Variants in HAPLN2 observed in about 807,000 individuals in gnomAD.
The protein encoded by HAPLN2 is hyaluronan and proteoglycan link protein 2, also known as brain link protein-1.
A neutral mutation model predicts 29.3 loss-of-function variants in HAPLN2; 27 were observed. The observed-to-expected ratio is 0.92, with a 90% CI of 0.68 to 1.27. The LOEUF (loss-of-function observed/expected upper bound fraction) is 1.27. HAPLN2 is among the 50% of genes most tolerant of loss of function. The pLI is 0.00. For missense variants in HAPLN2, 454 were observed against 484.3 expected (o/e 0.94, Z 0.59); for synonymous variants, 208 against 211.7 (o/e 0.98, Z 0.15).
At position 156,625,609 on chromosome 1, in the gene HAPLN2, A is replaced by T. The variant is rs1678426436; in HGVS notation, c.*225A>T. 2.1e-6 allele frequency: 1 copy of T among 471,584 alleles called. No homozygotes were observed. The highest frequency in any genetic ancestry group is 4.1e-5 in the Admixed American group (1 of 24,112). 29.2% of individuals were successfully genotyped at this position (471,584 alleles called of 1,614,324 possible). On this transcript the variant is annotated 3_prime_UTR_variant, in exon 7 of 7. Transcript: ENST00000255039. This position sits in a 1 kb window ranked among gnomAD's most constrained non-coding sequence, Gnocchi z 5.7. ...GGCGAGATGCAGAGGTGACCCTCGG[A>T]CCCGCTGCCGTTCGCGAACCCTAGC...
chr1:156,623,077 T>TAAATAAATAAATAAAA (rs1553235369), intron 2 of HAPLN2, among the ~76,000 whole-genome samples: 2 of 124,592 alleles, frequency 1.6e-5, no homozygotes, highest in Admixed American at 1.7e-4. Context: ...AATAAATAAA[T>TAAATAAATAAATAAAA]AAAATAAAAA....
the HAPLN2 span, among the ~76,000 whole-genome samples, chr1:156,605,598 CAAAAAA>C: frequency 9.4e-5 from 6 of 63,846 alleles, no homozygotes; most frequent in Admixed American, 9.4e-4. Context: ...GACTTGGTCT[CAAAAAA>C]AAAAAAAAAA....
rs777889851 is a variant in HAPLN2, at chr1:156,623,892, C to A, written c.171C>A (p.Cys57Ter). The A allele has an allele frequency of 6.3e-7, 1 of 1,590,068 alleles. No homozygotes were observed. Among genetic ancestry groups the A allele is most frequent in the Non-Finnish European group, 8.6e-7 (1 of 1,168,612 alleles). The change falls in exon 4 of 7, where the codon TGC (cysteine) becomes TGA (stop). Residue 57 changes from cysteine (C) to a stop codon, truncating the protein, a stop_gained. Coordinates refer to ENST00000255039, the MANE Select transcript of HAPLN2 (RefSeq NM_021817.3). LOFTEE classifies it high-confidence loss of function. ...SHRGATATLP[C>*]VLGTTPPSYK... Reference sequence around the variant, plus strand: ...GTGGGGCCACGGCCACGCTGCCCTGCGTCCTGGGCACCACGCCTCCCAGCT... The same window carrying A: ...GTGGGGCCACGGCCACGCTGCCCTGAGTCCTGGGCACCACGCCTCCCAGCT...
At chr1:156,618,305 C>CAA (rs57219264), upstream of HAPLN2, among the ~76,000 whole-genome samples, 2,809 of 102,890 alleles carry the variant, frequency 0.027, 181 homozygotes, top group African/African-American at 0.1. Context: ...GACTCTGTCT[C>CAA]AAAAAAAAAA....
the HAPLN2 span, among the ~76,000 whole-genome samples, chr1:156,607,769 A>G: frequency 6.6e-6 from 1 of 152,140 alleles, no homozygotes; most frequent in African/African-American, 2.4e-5. Context: ...CTAGTACACA[A>G]TTTATCTTCC....
upstream of HAPLN2, chr1:156,619,173 C>T (rs1250208851): frequency 1.3e-5 from 2 of 152,092 alleles, no homozygotes; most frequent in Non-Finnish European, 2.9e-5. Context: ...TGCCCCTCAC[C>T]CTATTCTCTT....
the HAPLN2 span, among the ~76,000 whole-genome samples, chr1:156,606,896 G>T: frequency 2.0e-5 from 3 of 152,104 alleles, no homozygotes; most frequent in African/African-American, 7.2e-5. Context: ...CAAGAATCTT[G>T]TAAGGTTTTA....
At chr1:156,606,914 T>C in the HAPLN2 span, among the ~76,000 whole-genome samples, 2 of 152,202 alleles carry the variant, frequency 1.3e-5, no homozygotes, top group East Asian at 1.9e-4. Context: ...TTAATGCAAA[T>C]CCCCTTTACC....
chr1:156,614,565 T>C (rs1678017363), upstream of HAPLN2, among the ~76,000 whole-genome samples: 1 of 152,134 alleles, frequency 6.6e-6, no homozygotes, highest in African/African-American at 2.4e-5. Context: ...CTGAGAATGG[T>C]TGATTAATAC....
Position 156,625,282 on chromosome 1 carries a change from G to A in HAPLN2, c.921G>A (p.Pro307=), listed in dbSNP as rs1246463896. The change falls in exon 7 of 7, where the codon CCG becomes CCA. Residue 307 remains proline (P), a synonymous_variant. Coordinates refer to ENST00000255039, the MANE Select transcript of HAPLN2 (RefSeq NM_021817.3). The surrounding 1 kb of genome is among the most constrained non-coding windows in gnomAD (Gnocchi z 5.7). ...DGSVRFPITT[P]RPRCGGLPDP... ...GTGTGCGCTTCCCAATCACCACGCCGAGGCCGCGCTGCGGGGGGCTCCCGG... is the reference window on the plus strand; with the variant it reads ...GTGTGCGCTTCCCAATCACCACGCCAAGGCCGCGCTGCGGGGGGCTCCCGG... 1.9e-6 allele frequency: 3 copies of A among 1,577,044 alleles called. No homozygotes were observed. The highest frequency in any genetic ancestry group is 8.6e-7 in the Non-Finnish European group (1 of 1,162,422).
At chr1:156,601,515 A>T in the HAPLN2 span, 1 of 1,538,912 alleles carries the variant, frequency 6.5e-7, no homozygotes, top group South Asian at 1.2e-5. Context: ...GAAACCATAG[A>T]GACGTCCGCG....
chr1:156,610,531 T>G, the HAPLN2 span, among the ~76,000 whole-genome samples: 1 of 151,628 alleles, frequency 6.6e-6, no homozygotes, highest in East Asian at 1.9e-4. Context: ...TCCCAGCTAC[T>G]CGGGAGGCTA....
chr1:156,617,051 C>CT (rs1678073635), upstream of HAPLN2, among the ~76,000 whole-genome samples: 1 of 151,772 alleles, frequency 6.6e-6, no homozygotes, highest in Non-Finnish European at 1.5e-5. Flanking sequence ...GATCGTATCA[C>CT]TGCACTCCAG....
rs10653107 is a variant in HAPLN2 at position 156,621,102 on chromosome 1, A to ATTTT, written c.-25+961_-25+964dup. On this transcript the variant is annotated intron_variant, in intron 2 of 6. Coordinates refer to ENST00000255039, the MANE Select transcript of HAPLN2 (RefSeq NM_021817.3). ...AATGCAGTGAAGTCAAGAAGTCTTC[A>ATTTT]TTTTTTTTTTTTTTTTTTTTGAGAC... Among the ~76,000 whole-genome samples the ATTTT allele has an allele frequency of 8.0e-3, 1,009 of 126,040 alleles. 19 individuals carry two copies. Among genetic ancestry groups the ATTTT allele is most frequent in the Non-Finnish European group, 0.013 (784 of 62,194 alleles). The allele number at this position is 126,040 out of a possible 152,430, so 82.7% of individuals were successfully genotyped here.
upstream of HAPLN2, among the ~76,000 whole-genome samples, chr1:156,616,377 C>T (rs1217956093): frequency 6.6e-6 from 1 of 152,136 alleles, no homozygotes; most frequent in Non-Finnish European, 1.5e-5. Flanking sequence ...ATATGTATTC[C>T]TGTCTGTTCC....
rs1364336201 is a variant in HAPLN2 at position 156,623,517 on chromosome 1, ACT to A, written c.30_31del (p.Cys11ProfsTer184). The A allele has an allele frequency of 6.2e-7, 1 of 1,613,424 alleles. No individual in the cohort carries two copies. The highest frequency in any genetic ancestry group is 1.7e-5 in the Admixed American group (1 of 59,936). On this transcript the variant is annotated frameshift_variant, in exon 3 of 7. Transcript: ENST00000255039. LOFTEE classifies it high-confidence loss of function. Reference protein sequence around the residue: MPGWLTLPTLCRFLLWAFTI... With the variant: MPGWLTLPTXCRFLLWAFTI... ...TGCCAGGCTGGCTCACCCTCCCCAC[ACT>A]CTGCCGCTTCCTTCTTTGGGCCTTC...
rs1488510612 is a variant in HAPLN2 at position 156,625,185 on chromosome 1, T to A, written c.824T>A (p.Val275Asp). The change falls in exon 7 of 7, where the codon GTT (valine) becomes GAT (aspartate). Residue 275 changes from valine to aspartate, a missense_variant. Coordinates refer to ENST00000255039, the MANE Select transcript of HAPLN2 (RefSeq NM_021817.3). This position sits in a 1 kb window ranked among gnomAD's most constrained non-coding sequence, Gnocchi z 5.7. The stretch of plus-strand genomic sequence containing the variant: ...CGACGCGGCGCCGTGGTGGCCAAGG[T>A]TGGGCACCTCTACGCCGCCTGGAAG... ...CRRRGAVVAK[V>D]GHLYAAWKFS... 1.3e-6 allele frequency: 2 copies of A among 1,549,966 alleles called. No homozygotes were observed. The highest frequency in any genetic ancestry group is 2.4e-5 in the East Asian group (1 of 41,162).
At position 156,625,362 on chromosome 1, in the gene HAPLN2, C is replaced by T. The variant is rs1172645807; in HGVS notation, c.1001C>T (p.Thr334Ile). 6.3e-7 allele frequency: 1 copy of T among 1,599,738 alleles called. No individual in the cohort carries two copies. Among genetic ancestry groups the T allele is most frequent in the African/African-American group, 1.3e-5 (1 of 74,388 alleles). ...FPRPQQAAYG[T>I]YCYAEN ...AGGCCCCAACAGGCAGCCTATGGGA[C>T]CTACTGCTACGCCGAGAATTAGGCG... The change falls in exon 7 of 7, where the codon ACC becomes ATC. Residue 334 changes from threonine (T) to isoleucine (I), a missense_variant. Physicochemically the swap from Thr to Ile is moderately conservative, Grantham distance 89. This residue lies in a region of HAPLN2 where 235 missense variants were observed against 236.9 expected (regional missense o/e 0.99). Coordinates refer to ENST00000255039, the MANE Select transcript of HAPLN2 (RefSeq NM_021817.3). The surrounding 1 kb of genome is among the most constrained non-coding windows in gnomAD (Gnocchi z 5.7).
the HAPLN2 span, among the ~76,000 whole-genome samples, chr1:156,603,946 G>A: frequency 6.6e-6 from 1 of 152,142 alleles, no homozygotes; most frequent in Non-Finnish European, 1.5e-5. Flanking sequence ...GAGACCCCTG[G>A]GAGCTTCTTG....
Sources: gnomAD v4.1 joint callset for allele counts (sites outside exome capture counted in the v4.1 genomes callset) on GRCh38, gnomAD v4.1.1 for gene constraint, gnomAD v4.1.1 regional missense constraint, Gnocchi (gnomAD v3.1) non-coding constraint, MANE v1.5 for transcripts, NCBI Gene and HGNC (gene_info 2026-07-23, HGNC 2026-07-21) for gene names.